Variants in SPMIP3 observed in about 807,000 individuals in gnomAD.
The protein encoded by SPMIP3 is protein SPMIP3.
the SPMIP3 span, among the ~76,000 whole-genome samples, chr1:244,355,412 C>T: frequency 2.6e-5 from 4 of 152,002 alleles, no homozygotes; most frequent in South Asian, 2.1e-4. Context: ...TTGATTGAGA[C>T]GGAGTGTCAT....
chr1:244,363,335 G>A, the SPMIP3 span, among the ~76,000 whole-genome samples: 1 of 152,150 alleles, frequency 6.6e-6, no homozygotes, highest in Non-Finnish European at 1.5e-5. Context: ...TTGAACCCGG[G>A]AGGTGGAGGT....
the SPMIP3 span, among the ~76,000 whole-genome samples, chr1:244,365,817 A>G: frequency 6.6e-6 from 1 of 152,186 alleles, no homozygotes; most frequent in Admixed American, 6.5e-5. Context: ...GAGCAATCCA[A>G]GCCCACATTT....
At chr1:244,387,905 A>C in the SPMIP3 span, among the ~76,000 whole-genome samples, 3 of 151,564 alleles carry the variant, frequency 2.0e-5, no homozygotes, top group South Asian at 2.1e-4. Context: ...GATGAACTTC[A>C]TTGATTTCTT....
At chr1:244,356,104 C>G in the SPMIP3 span, among the ~76,000 whole-genome samples, 5 of 152,224 alleles carry the variant, frequency 3.3e-5, no homozygotes, top group African/African-American at 1.2e-4. Context: ...CTAAGGACAT[C>G]TGTACACCTT....
the SPMIP3 span, among the ~76,000 whole-genome samples, chr1:244,382,664 C>T: frequency 6.4e-4 from 81 of 126,706 alleles, 1 homozygote; most frequent in South Asian, 0.02. Context: ...AGTGCAGTGG[C>T]GCAATCTCAT....
chr1:244,369,373 T>C, the SPMIP3 span, among the ~76,000 whole-genome samples: 1 of 151,790 alleles, frequency 6.6e-6, no homozygotes, highest in Non-Finnish European at 1.5e-5. Flanking sequence ...TTTAAAACTT[T>C]GATCGAAACA....
chr1:244,378,606 C>A, the SPMIP3 span: 3 of 1,613,888 alleles, frequency 1.9e-6, no homozygotes, highest in African/African-American at 4.0e-5. Flanking sequence ...AACCACTTAC[C>A]GACGAGACTA....
the SPMIP3 span, chr1:244,388,977 T>G: frequency 6.2e-7 from 1 of 1,613,864 alleles, no homozygotes. Flanking sequence ...AGCCACAGTT[T>G]CGCTGAATCC....
the SPMIP3 span, among the ~76,000 whole-genome samples, chr1:244,354,649 C>A: frequency 3.9e-5 from 6 of 152,224 alleles, no homozygotes; most frequent in Non-Finnish European, 8.8e-5. Flanking sequence ...GCATAAGCCA[C>A]CATGGCTGGC....
the SPMIP3 span, among the ~76,000 whole-genome samples, chr1:244,371,096 G>T: frequency 1.3e-5 from 2 of 152,274 alleles, no homozygotes; most frequent in Non-Finnish European, 1.5e-5. Flanking sequence ...ATTGAATTTT[G>T]ACTGTGGCTA....
the SPMIP3 span, among the ~76,000 whole-genome samples, chr1:244,380,860 G>A: frequency 6.6e-6 from 1 of 152,020 alleles, no homozygotes; most frequent in Non-Finnish European, 1.5e-5. Flanking sequence ...GGGGAGTTGA[G>A]CCAGGGGTAG....
the SPMIP3 span, among the ~76,000 whole-genome samples, chr1:244,374,692 G>A: frequency 7.1e-6 from 1 of 141,684 alleles, no homozygotes; most frequent in Non-Finnish European, 1.5e-5. Flanking sequence ...TGCCTCCCGA[G>A]TTAAAGCAAT....
At chr1:244,366,141 T>C in the SPMIP3 span, among the ~76,000 whole-genome samples, 1 of 152,210 alleles carries the variant, frequency 6.6e-6, no homozygotes, top group African/African-American at 2.4e-5. Flanking sequence ...GTTGGCTTTG[T>C]GGCTTTGAGC....
the SPMIP3 span, among the ~76,000 whole-genome samples, chr1:244,360,515 C>T: frequency 8.0e-4 from 36 of 44,874 alleles, no homozygotes; most frequent in Non-Finnish European, 7.3e-4. Flanking sequence ...GATATACACA[C>T]ACACACACAC....
chr1:244,377,173 C>G, the SPMIP3 span, among the ~76,000 whole-genome samples: 301 of 150,200 alleles, frequency 2.0e-3, no homozygotes, highest in Middle Eastern at 0.01. Context: ...CCAGGCTGGA[C>G]TGCAGTGGCG....
At chr1:244,360,755 G>C in the SPMIP3 span, among the ~76,000 whole-genome samples, 1 of 152,024 alleles carries the variant, frequency 6.6e-6, no homozygotes. Flanking sequence ...ATGATGGCAG[G>C]TGCCTGTAGT....
chr1:244,363,495 G>A, the SPMIP3 span, among the ~76,000 whole-genome samples: 1 of 152,074 alleles, frequency 6.6e-6, no homozygotes, highest in Non-Finnish European at 1.5e-5. Flanking sequence ...AACAGAAAGG[G>A]GGCTAACATA....
At chr1:244,383,963 T>C in the SPMIP3 span, among the ~76,000 whole-genome samples, 1 of 152,162 alleles carries the variant, frequency 6.6e-6, no homozygotes. Context: ...AGACTACAAA[T>C]TGGGTTCAGT....
At chr1:244,366,050 C>T in the SPMIP3 span, among the ~76,000 whole-genome samples, 2 of 152,310 alleles carry the variant, frequency 1.3e-5, no homozygotes, top group African/African-American at 2.4e-5. Context: ...ACCACCTCGA[C>T]GGGTCTGCAG....
Sources: gnomAD v4.1 joint callset for allele counts (sites outside exome capture counted in the v4.1 genomes callset) on GRCh38, gnomAD v4.1.1 for gene constraint, MANE v1.5 for transcripts, NCBI Gene and HGNC (gene_info 2026-07-23, HGNC 2026-07-21) for gene names.